The following PCOLCE variants were observed in gnomAD, a reference collection of about 807,000 sequenced individuals.
PCOLCE encodes procollagen C-endopeptidase enhancer 1.
Under a neutral mutation model 47.2 loss-of-function variants are expected in PCOLCE, and 33 were observed. The ratio of observed to expected loss-of-function variants is 0.70; its 90% CI spans 0.53 to 0.93. The LOEUF (loss-of-function observed/expected upper bound fraction) is 0.93, where lower values mean the gene tolerates loss of function less well. Ranked by LOEUF, PCOLCE falls within the 40% of genes least tolerant of loss-of-function variation. The pLI, the probability that PCOLCE is intolerant of heterozygous loss-of-function variation, is 0.00. For missense variants in PCOLCE, 584 were observed against 585.3 expected (o/e 1.00, Z 0.02); for synonymous variants, 254 against 252.5 (o/e 1.01, Z -0.06).
chr7:100,603,872 A>C, intron 2 of PCOLCE, 87 bp from the exon 3 acceptor site: 1 of 1,498,082 alleles, frequency 6.7e-7, no homozygotes, highest in South Asian at 1.2e-5. Flanking sequence ...CGTTTCTGCA[A>C]GAAACGCTTG....
Position 100,607,625 on chromosome 7 carries a change from A to G in PCOLCE, c.1013-12A>G. On this transcript the variant is annotated splice_polypyrimidine_tract_variant and intron_variant, in intron 7 of 8. Transcript: ENST00000223061. ...TCCCATCTCCTCATCTCTCACTCCC[A>G]TTCTCCCACAGTGGTGACTGCGACA... is the stretch of plus-strand genomic sequence containing the variant. 5 of 1,613,332 alleles carry G rather than the reference A, an allele frequency of 3.1e-6. No individual in the cohort carries two copies. Among genetic ancestry groups the G allele is most frequent in the Non-Finnish European group, 4.2e-6 (5 of 1,179,436 alleles).
Position 100,603,992 on chromosome 7 carries a change from C to T in PCOLCE, c.238C>T (p.Arg80Ter). 7 of 1,603,368 alleles carry T rather than the reference C, an allele frequency of 4.4e-6. No individual in the cohort carries two copies. Among genetic ancestry groups the T allele is most frequent in the South Asian group, 2.2e-5 (2 of 91,084 alleles). ...PEGQTVSLSFRVFDLELHPAC... is the reference protein window; with the variant it reads ...PEGQTVSLSF ...GGGCCAGACTGTGTCCCTCTCATTCCGAGTCTTCGACCTGGAGCTGCACCC... is the reference window on the plus strand; with the variant it reads ...GGGCCAGACTGTGTCCCTCTCATTCTGAGTCTTCGACCTGGAGCTGCACCC... Residue 80 changes from arginine (R) to a stop codon, truncating the protein, a stop_gained, in exon 3 of 9, where the codon CGA (arginine) becomes TGA (stop). Transcript: ENST00000223061. LOFTEE classifies it high-confidence loss of function.
rs777248911 is a variant in PCOLCE at position 100,607,933 on chromosome 7, C to T, written c.1184-4C>T. 2 of 1,614,096 alleles carry T rather than the reference C, an allele frequency of 1.2e-6. No individual in the cohort carries two copies. Among genetic ancestry groups the T allele is most frequent in the East Asian group, 4.5e-5 (2 of 44,878 alleles). On this transcript the variant is annotated splice_polypyrimidine_tract_variant and splice_region_variant and intron_variant, in intron 8 of 8. Transcript: ENST00000223061. The stretch of plus-strand genomic sequence containing the variant: ...AGATCTCAACCCCTCCCTCCTTCTT[C>T]CAGGAGTCAGTTATCTGCTGATGGG...
At position 100,604,180 on chromosome 7, in the gene PCOLCE, C is replaced by T; in HGVS notation, c.426C>T (p.Phe142=). The stretch of plus-strand genomic sequence containing the variant: ...ATGAGGGCACAGGAGGACGAGGCTT[C>T]CTGCTCTGGTACAGCGGGCGGGCCA... The part of the protein sequence containing the change: ...TTDEGTGGRG[F]LLWYSGRATS... The change falls in exon 3 of 9, where the codon TTC becomes TTT. Residue 142 remains phenylalanine, a synonymous_variant. Coordinates refer to ENST00000223061, the MANE Select transcript of PCOLCE (RefSeq NM_002593.4). The surrounding 1 kb of genome is among the most constrained non-coding windows in gnomAD (Gnocchi z 6.4). The T allele has an allele frequency of 6.2e-7, 1 of 1,613,142 alleles. No homozygotes were observed. The highest frequency in any genetic ancestry group is 8.5e-7 in the Non-Finnish European group (1 of 1,179,938).
In PCOLCE at chr7:100,605,313, C is replaced by T; in HGVS notation, c.588+98C>T. On this transcript the variant is annotated intron_variant, in intron 4 of 8. Transcript: ENST00000223061. The surrounding 1 kb of genome is among the most constrained non-coding windows in gnomAD (Gnocchi z 6.1). ...TATTGAAGATCTGCTGTGTCCCGAG[C>T]ACTGCGCTTGCGCTGGTGGGCACCC... 1 of 1,296,352 alleles carries T rather than the reference C, an allele frequency of 7.7e-7. No homozygotes were observed. The highest frequency in any genetic ancestry group is 2.4e-5 in the Admixed American group (1 of 41,004). 80.3% of individuals were successfully genotyped at this position (1,296,352 alleles called of 1,614,324 possible).
In PCOLCE at chr7:100,605,806, T is replaced by G; in HGVS notation, c.719T>G (p.Val240Gly). The G allele has an allele frequency of 6.4e-7, 1 of 1,552,020 alleles. No homozygotes were observed. Residue 240 changes from valine (V) to glycine (G), a missense_variant, in exon 5 of 9, where the codon GTC becomes GGC. Coordinates refer to ENST00000223061, the MANE Select transcript of PCOLCE (RefSeq NM_002593.4). The surrounding 1 kb of genome is among the most constrained non-coding windows in gnomAD (Gnocchi z 6.1). ...CTGGGGAAGTTCTGCGGCGACGCAG[T>G]CCCGGGGTGAGGGGCGGGACCTGGG... ...RRLGKFCGDA[V>G]PGSISSEGNE...
Position 100,603,969 on chromosome 7 carries a change from G to A in PCOLCE, c.215G>A (p.Gly72Asp). The part of the protein sequence containing the change: ...ECIWTITVPE[G>D]QTVSLSFRVF... ...TGTCCCCGCTATCAGGTCCCCGAGG[G>A]CCAGACTGTGTCCCTCTCATTCCGA... The change falls in exon 3 of 9, where the codon GGC (glycine) becomes GAC (aspartate). Residue 72 changes from glycine to aspartate, a missense_variant. Coordinates refer to ENST00000223061, the MANE Select transcript of PCOLCE (RefSeq NM_002593.4). The A allele has an allele frequency of 6.2e-7, 1 of 1,601,502 alleles. No homozygotes were observed. Among genetic ancestry groups the A allele is most frequent in the South Asian group, 1.1e-5 (1 of 91,070 alleles).
intron 1 of PCOLCE, 133 bp downstream of exon 1, chr7:100,602,684 C>T (rs1802632214): frequency 1.5e-6 from 1 of 655,480 alleles, no homozygotes; most frequent in African/African-American, 1.8e-5. Flanking sequence ...CCTCACCCTT[C>T]TCTGGCCCCC....
intron 5 of PCOLCE, 38 bp from the exon 6 acceptor site, chr7:100,606,378 C>T (rs1172516983): frequency 6.7e-7 from 1 of 1,500,952 alleles, no homozygotes; most frequent in Non-Finnish European, 9.3e-7. Context: ...TGCACGCCCG[C>T]CCTGACACTT....
At position 100,603,540 on chromosome 7, in the gene PCOLCE, T is replaced by G; in HGVS notation, c.204+2T>G. 1 of 1,517,966 alleles carries G rather than the reference T, an allele frequency of 6.6e-7. No individual in the cohort carries two copies. Among genetic ancestry groups the G allele is most frequent in the Non-Finnish European group, 9.1e-7 (1 of 1,101,420 alleles). 94.0% of individuals were successfully genotyped at this position (1,517,966 alleles called of 1,614,324 possible). Reference sequence around the variant, plus strand: ...AAGGAGTGCATCTGGACCATAACGGTGAGAAACCCCTCTGGGCACTACCCC... The same window carrying G: ...AAGGAGTGCATCTGGACCATAACGGGGAGAAACCCCTCTGGGCACTACCCC... On this transcript the variant is annotated splice_donor_variant, in intron 2 of 8. Coordinates refer to ENST00000223061, the MANE Select transcript of PCOLCE (RefSeq NM_002593.4). LOFTEE classifies it high-confidence loss of function.
Position 100,605,346 on chromosome 7 carries a change from C to T in PCOLCE, c.588+131C>T. On this transcript the variant is annotated intron_variant, in intron 4 of 8. Transcript: ENST00000223061. The surrounding 1 kb of genome is among the most constrained non-coding windows in gnomAD (Gnocchi z 6.1). ...TTGCGCTGGTGGGCACCCAAAACAG[C>T]CCCAACCCCTGCATGCACGCAAACA... The T allele has an allele frequency of 1.1e-6, 1 of 894,200 alleles. No homozygotes were observed. Among genetic ancestry groups the T allele is most frequent in the Non-Finnish European group, 1.7e-6 (1 of 593,296 alleles). The allele number at this position is 894,200 out of a possible 1,614,324, so 55.4% of individuals were successfully genotyped here. A position where few individuals can be genotyped will look rare whatever the true frequency, so the allele number is the denominator to read the frequency against.
chr7:100,608,106 C>A lies in PCOLCE; in HGVS notation c.*3C>A. ...GGGCTGCTGCGTCCCAGGACTGAGA[C>A]GCAGGCCAGCCCCGGCCCCTAGCCC... On this transcript the variant is annotated 3_prime_UTR_variant, in exon 9 of 9. Transcript: ENST00000223061. 2.5e-6 allele frequency: 4 copies of A among 1,613,108 alleles called. No individual in the cohort carries two copies. Among genetic ancestry groups the A allele is most frequent in the Non-Finnish European group, 3.4e-6 (4 of 1,179,654 alleles).
Position 100,602,508 on chromosome 7 carries a change from G to T in PCOLCE, c.52G>T (p.Ala18Ser), listed in dbSNP as rs1268626273. The change falls in exon 1 of 9, where the codon GCC (alanine) becomes TCC (serine). Residue 18 changes from alanine to serine, a missense_variant. By Grantham distance (99) the Ala-to-Ser change is moderately conservative. Coordinates refer to ENST00000223061, the MANE Select transcript of PCOLCE (RefSeq NM_002593.4). ...SLLGPLLTACALLPFAQGQTP... is the reference protein window; with the variant it reads ...SLLGPLLTACSLLPFAQGQTP... ...CCTGGGGCCCCTCCTCACTGCCTGC[G>T]CCCTGCTGCCTTTTGCCCAGGGCCA... 1.2e-6 allele frequency: 2 copies of T among 1,613,026 alleles called. No individual in the cohort carries two copies. Among genetic ancestry groups the T allele is most frequent in the South Asian group, 2.2e-5 (2 of 91,072 alleles).
At chr7:100,602,831 C>G (rs1802635963) in intron 1 of PCOLCE, 1 of 497,236 alleles carries the variant, frequency 2.0e-6, no homozygotes, top group Non-Finnish European at 3.6e-6. Context: ...CAAGAGAGAG[C>G]CAAGCTCCTG....
In PCOLCE at chr7:100,605,637, G is replaced by C; in HGVS notation, c.589-39G>C. 1.3e-6 allele frequency: 2 copies of C among 1,556,408 alleles called. No homozygotes were observed. The highest frequency in any genetic ancestry group is 1.7e-6 in the Non-Finnish European group (2 of 1,150,604). The stretch of plus-strand genomic sequence containing the variant: ...GGAGATGAGGTGCAGGCGCCCAGGG[G>C]TGTCCCGCCGCGCAGTCCCCGCCTC... On this transcript the variant is annotated intron_variant, in intron 4 of 8. Coordinates refer to ENST00000223061, the MANE Select transcript of PCOLCE (RefSeq NM_002593.4). This position sits in a 1 kb window ranked among gnomAD's most constrained non-coding sequence, Gnocchi z 6.1.
intron 5 of PCOLCE, 130 bp from the exon 6 acceptor site, chr7:100,606,286 G>A: frequency 1.6e-6 from 1 of 638,766 alleles, no homozygotes. Context: ...CCTAGATGGA[G>A]CCACTGCACT....
chr7:100,605,921 C>T lies in PCOLCE; in HGVS notation c.725+109C>T, dbSNP rs534818107. ...AAGGGACGGGATCTGAACCCCAGGG[C>T]TCCAAACCGGCGAGGGGAGCAGGTT... On this transcript the variant is annotated intron_variant, in intron 5 of 8. Coordinates refer to ENST00000223061, the MANE Select transcript of PCOLCE (RefSeq NM_002593.4). This position sits in a 1 kb window ranked among gnomAD's most constrained non-coding sequence, Gnocchi z 6.1. The T allele has an allele frequency of 1.7e-5, 21 of 1,269,486 alleles. No individual in the cohort carries two copies. Among genetic ancestry groups the T allele is most frequent in the Admixed American group, 7.3e-5 (3 of 40,838 alleles). 78.6% of individuals were successfully genotyped at this position (1,269,486 alleles called of 1,614,324 possible). A position where few individuals can be genotyped will look rare whatever the true frequency, so the allele number is the denominator to read the frequency against.
At chr7:100,606,787 G>C (rs1802725385) in intron 6 of PCOLCE, among the ~76,000 whole-genome samples, 157 bp downstream of exon 6, 1 of 152,054 alleles carries the variant, frequency 6.6e-6, no homozygotes, top group Non-Finnish European at 1.5e-5. Context: ...GCAAGACCCT[G>C]TCTTTTCAAA....
Position 100,605,658 on chromosome 7 carries a change from G to T in PCOLCE, c.589-18G>T. ...AGGGGTGTCCCGCCGCGCAGTCCCC[G>T]CCTCCGCCCGCCGCCAGGTCATCGC... On this transcript the variant is annotated intron_variant, in intron 4 of 8. Transcript: ENST00000223061. The surrounding 1 kb of genome is among the most constrained non-coding windows in gnomAD (Gnocchi z 6.1). The T allele has an allele frequency of 6.4e-7, 1 of 1,569,072 alleles. No homozygotes were observed. Among genetic ancestry groups the T allele is most frequent in the Non-Finnish European group, 8.6e-7 (1 of 1,157,914 alleles).
Sources: gnomAD v4.1 joint callset for allele counts (sites outside exome capture counted in the v4.1 genomes callset) on GRCh38, gnomAD v4.1.1 for gene constraint, Gnocchi (gnomAD v3.1) non-coding constraint, MANE v1.5 for transcripts, NCBI Gene and HGNC (gene_info 2026-07-23, HGNC 2026-07-21) for gene names.